ADAMTSL1: variants seen among roughly 807,000 people sequenced by gnomAD.
ADAMTSL1 encodes the protein ADAMTS-like protein 1.
Under a neutral mutation model 201.8 loss-of-function variants are expected in ADAMTSL1, and 126 were observed. That is an observed-to-expected ratio of 0.62 (90% CI 0.54 to 0.72). The LOEUF is 0.72. ADAMTSL1 is among the 30% of genes least tolerant of loss of function. The pLI, the probability that ADAMTSL1 is intolerant of heterozygous loss-of-function variation, is 0.00. For synonymous variants in ADAMTSL1, 1,121 were observed against 903.4 expected (o/e 1.24, Z -4.32); for missense variants, 2,679 against 2,277.8 (o/e 1.18, Z -3.59).
intron 1 of ADAMTSL1, among the ~76,000 whole-genome samples, chr9:18,481,192 C>A (rs1189785146): frequency 6.6e-6 from 1 of 152,102 alleles, no homozygotes; most frequent in Non-Finnish European, 1.5e-5. Flanking sequence ...CTTGAATATC[C>A]CTAGTTTCAA....
chr9:18,423,437 G>A (rs1272265718), intron 2 of ADAMTSL1, among the ~76,000 whole-genome samples: 1 of 152,100 alleles, frequency 6.6e-6, no homozygotes, highest in Non-Finnish European at 1.5e-5. Flanking sequence ...CCCATTAATG[G>A]TTACATAGGT....
In ADAMTSL1 at chr9:18,826,514, A is replaced by G. The variant is rs554440053; in HGVS notation, c.4114+51A>G. ...CTGCTGCACCCTGTTGGGAGTGACT[A>G]TCTAACCCACCCTCTACCTCCTTTG... On this transcript the variant is annotated intron_variant, in intron 22 of 28. Coordinates refer to ENST00000380548, the MANE Select transcript of ADAMTSL1 (RefSeq NM_001040272.6). 10 of 1,567,186 alleles carry G rather than the reference A, an allele frequency of 6.4e-6. No homozygotes were observed. The Admixed American group carries it at 7.4e-5, about 12-fold the overall frequency.
intron 2 of ADAMTSL1, among the ~76,000 whole-genome samples, chr9:18,262,058 T>C (rs1426715810): frequency 6.6e-6 from 1 of 152,132 alleles, no homozygotes; most frequent in Non-Finnish European, 1.5e-5. Flanking sequence ...AAAATGAGAA[T>C]TTGACTAATG....
At chr9:18,426,296 C>T (rs1421729243) in intron 2 of ADAMTSL1, among the ~76,000 whole-genome samples, 1 of 152,124 alleles carries the variant, frequency 6.6e-6, no homozygotes, top group Non-Finnish European at 1.5e-5. Flanking sequence ...TAGAAGACAG[C>T]TTTATAGGAA....
chr9:18,424,397 C>T (rs1457334675), intron 2 of ADAMTSL1, among the ~76,000 whole-genome samples: 3 of 152,208 alleles, frequency 2.0e-5, no homozygotes, highest in Non-Finnish European at 2.9e-5. Flanking sequence ...ATACAGTCCC[C>T]ATGACAGCAC....
intron 1 of ADAMTSL1, among the ~76,000 whole-genome samples, chr9:17,949,221 G>C (rs889911469): frequency 6.6e-6 from 1 of 152,172 alleles, no homozygotes; most frequent in Admixed American, 6.6e-5. Flanking sequence ...GATTTTTGCA[G>C]ACAGGGCATC....
intron 7 of ADAMTSL1, among the ~76,000 whole-genome samples, chr9:18,648,008 T>A (rs1288609205): frequency 1.3e-5 from 2 of 149,476 alleles, no homozygotes. Flanking sequence ...CCCATTATTA[T>A]TGTGTGGGAG....
intron 2 of ADAMTSL1, among the ~76,000 whole-genome samples, chr9:18,186,800 A>G (rs1009621322): frequency 1.7e-4 from 26 of 151,720 alleles, no homozygotes; most frequent in Admixed American, 6.6e-5. Context: ...TTATTATCAT[A>G]TTGTGCCAGC....
At chr9:18,141,742 C>T (rs1407068009) in intron 1 of ADAMTSL1, among the ~76,000 whole-genome samples, 2 of 152,302 alleles carry the variant, frequency 1.3e-5, no homozygotes, top group Non-Finnish European at 1.5e-5. Flanking sequence ...GAGCATCTGA[C>T]AGCATCTCCT....
At chr9:18,001,875 T>C (rs947882187) in intron 1 of ADAMTSL1, among the ~76,000 whole-genome samples, 1 of 151,482 alleles carries the variant, frequency 6.6e-6, no homozygotes, top group Non-Finnish European at 1.5e-5. Context: ...TAAAGAGAAG[T>C]TTGAGTTGAG....
intron 15 of ADAMTSL1, among the ~76,000 whole-genome samples, chr9:18,724,234 A>G (rs2133441547): frequency 6.6e-6 from 1 of 152,326 alleles, no homozygotes; most frequent in South Asian, 2.1e-4. Flanking sequence ...GGCAGTTGTT[A>G]GTCCCACTGA....
At chr9:18,313,757 C>G (rs1331898176) in intron 2 of ADAMTSL1, among the ~76,000 whole-genome samples, 1 of 152,046 alleles carries the variant, frequency 6.6e-6, no homozygotes, top group African/African-American at 2.4e-5. Context: ...GGGAAAGAAA[C>G]CTCCTGACAT....
intron 2 of ADAMTSL1, among the ~76,000 whole-genome samples, chr9:18,463,449 T>G (rs1002130848): frequency 3.3e-5 from 5 of 152,208 alleles, no homozygotes; most frequent in African/African-American, 1.2e-4. Flanking sequence ...ATTAAGTATA[T>G]TCACATTATT....
At chr9:17,926,831 G>A (rs4504739) in intron 1 of ADAMTSL1, among the ~76,000 whole-genome samples, 1,677 of 152,146 alleles carry the variant, frequency 0.011, 26 homozygotes, top group African/African-American at 0.039. Flanking sequence ...GAGATTCTCC[G>A]ACATTACAGT....
intron 4 of ADAMTSL1, among the ~76,000 whole-genome samples, chr9:18,621,477 C>G (rs1293066291): frequency 6.6e-6 from 1 of 151,700 alleles, no homozygotes; most frequent in Admixed American, 6.6e-5. Context: ...TGTACTGTGC[C>G]TGATACAGGA....
At chr9:18,800,110 C>T (rs1246727176) in intron 20 of ADAMTSL1, among the ~76,000 whole-genome samples, 2 of 152,128 alleles carry the variant, frequency 1.3e-5, no homozygotes, top group African/African-American at 4.8e-5. Context: ...GGCACGGTGG[C>T]TCATGCCTGT....
chr9:18,049,622 T>A lies in ADAMTSL1; in HGVS notation c.88-114240T>A, dbSNP rs190729508. Among the ~76,000 whole-genome samples, 150 of 151,394 alleles carry A rather than the reference T, an allele frequency of 9.9e-4. 2 individuals carry two copies. Among genetic ancestry groups the A allele is most frequent in the Middle Eastern group, 6.8e-3 (2 of 294 alleles). ...TTCCTGTCTTCGACTTCTTATTCTTTTTTTTTTTTTTCTTTTTTTGAGATG... is the reference window on the plus strand; with the variant it reads ...TTCCTGTCTTCGACTTCTTATTCTTATTTTTTTTTTTCTTTTTTTGAGATG... On this transcript the variant is annotated intron_variant, in intron 1 of 29. Transcript: ENST00000680146.
At chr9:18,342,183 C>T (rs1171273475) in intron 2 of ADAMTSL1, among the ~76,000 whole-genome samples, 2 of 152,022 alleles carry the variant, frequency 1.3e-5, no homozygotes, top group East Asian at 1.9e-4. Context: ...GTCCCTGATT[C>T]GTAGAAAAGA....
chr9:18,490,776 A>G (rs977553269), intron 1 of ADAMTSL1, among the ~76,000 whole-genome samples: 2 of 152,324 alleles, frequency 1.3e-5, no homozygotes, highest in East Asian at 3.9e-4. Flanking sequence ...AGGGAAAGTC[A>G]TAGGATGTGG....
Sources: gnomAD v4.1 joint callset for allele counts (sites outside exome capture counted in the v4.1 genomes callset) on GRCh38, gnomAD v4.1.1 for gene constraint, MANE v1.5 for transcripts, NCBI Gene and HGNC (gene_info 2026-07-23, HGNC 2026-07-21) for gene names.